The following DOCK8 variants were observed in gnomAD, a reference collection of about 807,000 sequenced individuals.
DOCK8 encodes dedicator of cytokinesis 8.
Under a neutral mutation model 245.6 loss-of-function variants are expected in DOCK8, and 141 were observed. The ratio of observed to expected loss-of-function variants is 0.57; its 90% CI spans 0.50 to 0.66. DOCK8 has a LOEUF of 0.66. Ranked by LOEUF, DOCK8 falls within the 30% of genes least tolerant of loss-of-function variation. The pLI is 0.00. For missense variants in DOCK8, 2,965 were observed against 2,603.4 expected, an observed-to-expected ratio of 1.14 and a Z score of -3.02; for synonymous variants, 1,168 against 970.2, an observed-to-expected ratio of 1.20 and a Z score of -3.79.
intron 18 of DOCK8, among the ~76,000 whole-genome samples, chr9:375,779 T>G (rs1000821936): frequency 2.6e-5 from 4 of 152,186 alleles, no homozygotes; most frequent in African/African-American, 9.7e-5. Flanking sequence ...GGCAGATCAC[T>G]TGAGCCCAGA....
intron 4 of DOCK8, among the ~76,000 whole-genome samples, chr9:291,223 A>G (rs937081699): frequency 6.6e-6 from 1 of 152,186 alleles, no homozygotes; most frequent in African/African-American, 2.4e-5. Context: ...GGGCTTGTCC[A>G]CTTTTTCATT....
chr9:249,292 C>T (rs1014471983), intron 1 of DOCK8, among the ~76,000 whole-genome samples: 4 of 152,144 alleles, frequency 2.6e-5, no homozygotes, highest in African/African-American at 4.8e-5. Context: ...ATAAACTCTG[C>T]GAAGTGGAGT....
chr9:424,438 C>G (rs1478646892), intron 33 of DOCK8, among the ~76,000 whole-genome samples: 1 of 151,278 alleles, frequency 6.6e-6, no homozygotes. Context: ...GAGACAAGGT[C>G]TCACTCTGTC....
chr9:333,420 T>G (rs1460643058), intron 10 of DOCK8, among the ~76,000 whole-genome samples: 1 of 152,040 alleles, frequency 6.6e-6, no homozygotes, highest in Non-Finnish European at 1.5e-5. Flanking sequence ...GCCAACACGG[T>G]GAAACCCCGT....
At chr9:301,428 AC>A (rs1209272529) in intron 4 of DOCK8, among the ~76,000 whole-genome samples, 1 of 152,238 alleles carries the variant, frequency 6.6e-6, no homozygotes, top group East Asian at 1.9e-4. Context: ...CCTCTTGAGA[AC>A]TGGAACAAAA....
chr9:442,948 G>C (rs1762505772), intron 42 of DOCK8, among the ~76,000 whole-genome samples: 1 of 152,206 alleles, frequency 6.6e-6, no homozygotes, highest in Non-Finnish European at 1.5e-5. Context: ...GCCCAGGGTG[G>C]CTGGGTGAGT....
At chr9:255,693 A>C (rs921980681) in intron 1 of DOCK8, among the ~76,000 whole-genome samples, 7 of 148,960 alleles carry the variant, frequency 4.7e-5, no homozygotes, top group East Asian at 2.0e-4. Context: ...AAAAAAAAAA[A>C]CAGCTCAAAT....
intron 2 of DOCK8, among the ~76,000 whole-genome samples, chr9:273,688 CTTTT>C (rs774289439): frequency 2.1e-5 from 3 of 140,092 alleles, no homozygotes. Context: ...AGCTTTTACT[CTTTT>C]TTTTTTTTTT....
At chr9:400,229 CCACCAT>C (rs2054790295) in intron 26 of DOCK8, among the ~76,000 whole-genome samples, 1 of 96,796 alleles carries the variant, frequency 1.0e-5, no homozygotes, top group African/African-American at 3.7e-5. Context: ...ACCACCACCT[CCACCAT>C]CACCACCACC....
At chr9:278,244 T>C (rs2048436537) in intron 2 of DOCK8, among the ~76,000 whole-genome samples, 1 of 152,232 alleles carries the variant, frequency 6.6e-6, no homozygotes, top group Non-Finnish European at 1.5e-5. Flanking sequence ...AGCATCTCCC[T>C]CTTAGTGGCA....
intron 15 of DOCK8, chr9:368,496 C>G: frequency 3.4e-6 from 2 of 586,086 alleles, no homozygotes; most frequent in Non-Finnish European, 6.1e-6. Flanking sequence ...CATGCACAAA[C>G]TGTACACACT....
chr9:390,938 G>A (rs1334581040), intron 24 of DOCK8, among the ~76,000 whole-genome samples: 4 of 152,204 alleles, frequency 2.6e-5, no homozygotes, highest in South Asian at 2.1e-4. Context: ...TTTAAAAACC[G>A]ATCGATGATT....
At chr9:403,892 C>A (rs28523957) in intron 26 of DOCK8, among the ~76,000 whole-genome samples, 6,794 of 73,234 alleles carry the variant, frequency 0.093, 336 homozygotes, top group Non-Finnish European at 0.11. Flanking sequence ...CTCTCTCTCT[C>A]TATATATATA....
At chr9:412,831 T>A (rs2055808814) in intron 28 of DOCK8, among the ~76,000 whole-genome samples, 1 of 151,660 alleles carries the variant, frequency 6.6e-6, no homozygotes, top group South Asian at 2.1e-4. Context: ...ACTCCCCAAA[T>A]TGATCCATAG....
At chr9:253,289 A>T (rs1479095189) in intron 1 of DOCK8, among the ~76,000 whole-genome samples, 1 of 152,224 alleles carries the variant, frequency 6.6e-6, no homozygotes, top group Non-Finnish European at 1.5e-5. Flanking sequence ...ATCGAACTAA[A>T]CACTTCCTAT....
chr9:399,567 A>C (rs575935539), intron 26 of DOCK8, among the ~76,000 whole-genome samples: 1 of 152,260 alleles, frequency 6.6e-6, no homozygotes, highest in African/African-American at 2.4e-5. Flanking sequence ...ACATGGCTAT[A>C]CAGTGCTTTC....
At chr9:326,604 G>A (rs750030885) in intron 8 of DOCK8, among the ~76,000 whole-genome samples, 13 of 152,194 alleles carry the variant, frequency 8.5e-5, no homozygotes, top group Non-Finnish European at 1.6e-4. Flanking sequence ...AAAACCGCTG[G>A]CCTATAAGCA....
Position 446,531 on chromosome 9 carries a change from A to T in DOCK8, c.5742A>T (p.Arg1914Ser). Reference sequence around the variant, plus strand: ...GGGGAGAGCTGCATGAGCAGTACAGAAGGAACACAGTCCTGACCACTATGC... The same window carrying T: ...GGGGAGAGCTGCATGAGCAGTACAGTAGGAACACAGTCCTGACCACTATGC... Reference protein sequence around the residue: ...RPRGELHEQYRRNTVLTTMHA... With the variant: ...RPRGELHEQYSRNTVLTTMHA... The change falls in exon 44 of 48, where the codon AGA (arginine) becomes AGT (serine). Residue 1914 changes from arginine (R) to serine (S), a missense_variant. By Grantham distance (110) the Arg-to-Ser change is moderately radical. Coordinates refer to ENST00000432829, the MANE Select transcript of DOCK8 (RefSeq NM_203447.4). 26 of 1,614,214 alleles carry T rather than the reference A, an allele frequency of 1.6e-5. No homozygotes were observed. Among genetic ancestry groups the T allele is most frequent in the Non-Finnish European group, 2.2e-5 (26 of 1,180,038 alleles).
rs545187374 is a variant in DOCK8 at position 463,686 on chromosome 9, A to G, written c.6238A>G (p.Arg2080Gly). 2.1e-5 allele frequency: 34 copies of G among 1,613,774 alleles called. No individual in the cohort carries two copies. The South Asian group carries it at 3.6e-4, about 17-fold the overall frequency. The change falls in exon 47 of 48, where the codon AGG (arginine) becomes GGG (glycine). Residue 2080 changes from arginine (R) to glycine (G), a missense_variant and splice_region_variant. By Grantham distance (125) the Arg-to-Gly change is moderately radical. Around this residue, in one of 3 missense-constraint regions of DOCK8, gnomAD observed 134 missense variants for 128.1 expected, o/e 1.05. Coordinates refer to ENST00000432829, the MANE Select transcript of DOCK8 (RefSeq NM_203447.4). ...KPIFRVESQK[R>G]DSFHRSSFRK... ...AATATTCAGAGTTGAGAGTCAAAAG[A>G]GGTAAGAACAGGGCAGAGGAGGCCT...
Sources: gnomAD v4.1 joint callset for allele counts (sites outside exome capture counted in the v4.1 genomes callset) on GRCh38, gnomAD v4.1.1 for gene constraint, gnomAD v4.1.1 regional missense constraint, MANE v1.5 for transcripts, NCBI Gene and HGNC (gene_info 2026-07-23, HGNC 2026-07-21) for gene names.